CYP4F11: variants seen among roughly 807,000 people sequenced by gnomAD.
CYP4F11 encodes the protein cytochrome P450 4F11.
A neutral mutation model predicts 62.2 loss-of-function variants in CYP4F11; 79 were observed. That is an observed-to-expected ratio of 1.27 (90% CI 1.06 to 1.53). The LOEUF is 1.53. Among genes scored for constraint, CYP4F11 ranks in the 40% most tolerant of loss-of-function variants. The pLI, the probability that CYP4F11 is intolerant of heterozygous loss-of-function variation, is 0.00. For synonymous variants in CYP4F11, 290 were observed against 263.7 expected (o/e 1.10, Z -0.97); for missense variants, 777 against 680.5 (o/e 1.14, Z -1.58).
intron 1 of CYP4F11, 65 bp from the exon 2 acceptor site, chr19:15,929,666 T>C: frequency 6.6e-7 from 1 of 1,512,660 alleles, no homozygotes; most frequent in Non-Finnish European, 8.9e-7. Flanking sequence ...GAATTAATCA[T>C]GAATTCCACG....
At position 15,922,128 on chromosome 19, in the gene CYP4F11, A is replaced by G. The variant is rs774064353; in HGVS notation, c.1024T>C (p.Tyr342His). Residue 342 changes from tyrosine (Y) to histidine (H), a missense_variant, in exon 8 of 12, where the codon TAC (tyrosine) becomes CAC (histidine). Coordinates refer to ENST00000402119, the MANE Select transcript of CYP4F11 (RefSeq NM_021187.4). ...TATTCTGGGTGCTTTGCAAGGTGGT[A>G]TAGGACCCAGGAGAGACCACTGGCT... ...TTASGLSWVL[Y>H]HLAKHPEYQE... 6 of 1,613,866 alleles carry G rather than the reference A, an allele frequency of 3.7e-6. No homozygotes were observed. The South Asian group carries it at 5.5e-5, about 15-fold the overall frequency.
chr19:15,922,541 G>C (rs1419036514), intron 6 of CYP4F11, 111 bp from the exon 7 acceptor site: 1 of 1,119,426 alleles, frequency 8.9e-7, no homozygotes, highest in Non-Finnish European at 1.3e-6. Context: ...AGAAACCCAA[G>C]CCCATCATGC....
At chr19:15,916,099 C>T (rs1477295736) in intron 8 of CYP4F11, among the ~76,000 whole-genome samples, 1 of 152,030 alleles carries the variant, frequency 6.6e-6, no homozygotes, top group African/African-American at 2.4e-5. Context: ...ATATTTTAAG[C>T]TCTATTAAAA....
At chr19:15,914,204 G>A (rs2089562472) in intron 11 of CYP4F11, 101 bp downstream of exon 11, 1 of 1,400,654 alleles carries the variant, frequency 7.1e-7, no homozygotes, top group Non-Finnish European at 9.9e-7. Flanking sequence ...CCTGAGGAAG[G>A]GAGGGAAGGA....
At chr19:15,921,847 G>A (rs1307902471) in intron 8 of CYP4F11, among the ~76,000 whole-genome samples, 190 bp downstream of exon 8, 1 of 152,148 alleles carries the variant, frequency 6.6e-6, no homozygotes, top group Admixed American at 6.5e-5. Context: ...TCTCCCAGCA[G>A]CCCAGGTCCC....
rs2089552640 is a variant in CYP4F11, at chr19:15,913,346, G to A, written c.*386C>T. On this transcript the variant is annotated 3_prime_UTR_variant, in exon 12 of 12. Coordinates refer to ENST00000402119, the MANE Select transcript of CYP4F11 (RefSeq NM_021187.4). ...TGAGCTGAGGACTCCAGTCTTGGGAGGACATTCCCAGGACAGATGAAGGGA... is the reference window on the plus strand; with the variant it reads ...TGAGCTGAGGACTCCAGTCTTGGGAAGACATTCCCAGGACAGATGAAGGGA... The A allele has an allele frequency of 4.5e-6, 1 of 223,742 alleles. No individual in the cohort carries two copies. The highest frequency in any genetic ancestry group is 2.3e-5 in the African/African-American group (1 of 42,582). The allele number at this position is 223,742 out of a possible 1,614,324, so 13.9% of individuals were successfully genotyped here.
chr19:15,913,519 C>T lies in CYP4F11; in HGVS notation c.*213G>A. ...AGTTTTTACTTGGGCTCTGGGAGAA[C>T]CCACTAAGGGCCTAGATGCCCTGTG... On this transcript the variant is annotated 3_prime_UTR_variant, in exon 12 of 12. Transcript: ENST00000402119. The T allele has an allele frequency of 1.7e-6, 1 of 602,898 alleles. No individual in the cohort carries two copies. Among genetic ancestry groups the T allele is most frequent in the Non-Finnish European group, 2.9e-6 (1 of 346,942 alleles). The allele number at this position is 602,898 out of a possible 1,614,324, so 37.3% of individuals were successfully genotyped here. A position where few individuals can be genotyped will look rare whatever the true frequency, so the allele number is the denominator to read the frequency against.
intron 8 of CYP4F11, among the ~76,000 whole-genome samples, chr19:15,919,604 G>A (rs1437479785): frequency 6.6e-6 from 1 of 151,896 alleles, no homozygotes; most frequent in Non-Finnish European, 1.5e-5. Context: ...ATTAGGTGGG[G>A]TGGTGGGAAT....
intron 4 of CYP4F11, among the ~76,000 whole-genome samples, 192 bp downstream of exon 4, chr19:15,927,020 C>A (rs778477687): frequency 2.6e-5 from 4 of 152,210 alleles, no homozygotes; most frequent in Non-Finnish European, 5.9e-5. Context: ...TTGAGACATA[C>A]TATGTGCTGG....
At chr19:15,927,165 C>A (rs747400828) in intron 4 of CYP4F11, 47 bp downstream of exon 4, 1 of 1,597,186 alleles carries the variant, frequency 6.3e-7, no homozygotes, top group South Asian at 1.1e-5. Context: ...GCCTGTGGTC[C>A]CTCTACCCCA....
At chr19:15,929,359 TG>T in intron 2 of CYP4F11, 97 bp downstream of exon 2, 1 of 1,478,192 alleles carries the variant, frequency 6.8e-7, no homozygotes, top group Non-Finnish European at 9.4e-7. Context: ...AAGAGGGGCC[TG>T]GGCCCTGCAG....
rs1568479626 is a variant in CYP4F11 at position 15,912,753 on chromosome 19, G to GTGTGTGTGTATATATATA, written c.*978_*979insTATATATATACACACACA. On this transcript the variant is annotated 3_prime_UTR_variant, in exon 12 of 12. Coordinates refer to ENST00000402119, the MANE Select transcript of CYP4F11 (RefSeq NM_021187.4). ...TGTGTGTATATGTATATATGTGTGT[G>GTGTGTGTGTATATATATA]TGTGTGTGTGTGTGTGTGTATATAT... The GTGTGTGTGTATATATATA allele has an allele frequency of 1.2e-4, 2 of 16,506 alleles. No homozygotes were observed. The highest frequency in any genetic ancestry group is 8.8e-4 in the Admixed American group (1 of 1,142). The allele number at this position is 16,506 out of a possible 1,614,324, so 1.0% of individuals were successfully genotyped here.
chr19:15,934,596 G>A, upstream of CYP4F11: 1 of 638,312 alleles, frequency 1.6e-6, no homozygotes, highest in Admixed American at 3.4e-5. Context: ...CAGCCAAGTG[G>A]CCTCCAGTTA....
intron 4 of CYP4F11, among the ~76,000 whole-genome samples, chr19:15,925,680 ATGTG>A (rs1314640458): frequency 1.3e-5 from 2 of 149,694 alleles, no homozygotes; most frequent in Non-Finnish European, 3.0e-5. Context: ...CTTAAAGCAA[ATGTG>A]TGTGTGTATA....
Position 15,912,745 on chromosome 19 carries a change from A to ATGTGTGTGTGTG in CYP4F11, c.*975_*986dup, listed in dbSNP as rs202181290. 1 of 85,984 alleles carries ATGTGTGTGTGTG rather than the reference A, an allele frequency of 1.2e-5. No homozygotes were observed. The highest frequency in any genetic ancestry group is 2.0e-5 in the Non-Finnish European group (1 of 50,152). 5.3% of individuals were successfully genotyped at this position (85,984 alleles called of 1,614,324 possible). The stretch of plus-strand genomic sequence containing the variant: ...TGTGTGTGTGTGTGTATATGTATAT[A>ATGTGTGTGTGTG]TGTGTGTGTGTGTGTGTGTGTGTGT... On this transcript the variant is annotated 3_prime_UTR_variant, in exon 12 of 12. Transcript: ENST00000402119.
Position 15,934,292 on chromosome 19 carries a change from G to A in CYP4F11, c.117C>T (p.Tyr39=), listed in dbSNP as rs937032385. 1.2e-6 allele frequency: 2 copies of A among 1,613,868 alleles called. No individual in the cohort carries two copies. Among genetic ancestry groups the A allele is most frequent in the Non-Finnish European group, 1.7e-6 (2 of 1,179,864 alleles). The part of the protein sequence containing the change: ...WLLARVLAWT[Y]TFYDNCRRLQ... Reference sequence around the variant, plus strand: ...GGCGGCGGCAGTTGTCATAGAAGGTGTAGGTCCAGGCCAGGACGCGGGCCA... The same window carrying A: ...GGCGGCGGCAGTTGTCATAGAAGGTATAGGTCCAGGCCAGGACGCGGGCCA... Residue 39 remains tyrosine, a synonymous_variant, in exon 1 of 12, where the codon TAC becomes TAT. Transcript: ENST00000402119.
chr19:15,925,195 C>A (rs1455479614), intron 4 of CYP4F11, among the ~76,000 whole-genome samples: 4 of 152,130 alleles, frequency 2.6e-5, no homozygotes, highest in African/African-American at 2.4e-5. Flanking sequence ...GGACAACATG[C>A]TTTGGGGCCA....
chr19:15,914,740 CT>C, intron 9 of CYP4F11, 21 bp downstream of exon 9: 2 of 1,613,950 alleles, frequency 1.2e-6, no homozygotes, highest in South Asian at 2.2e-5. Context: ...CAGGAGGCTC[CT>C]CCCCCTGAGG....
At chr19:15,915,883 C>A in intron 8 of CYP4F11, among the ~76,000 whole-genome samples, 1 of 151,406 alleles carries the variant, frequency 6.6e-6, no homozygotes. Flanking sequence ...AAATAAGAAG[C>A]ATCTGGAAAA....
Sources: allele counts gnomAD v4.1 joint callset (sites outside exome capture counted in the v4.1 genomes callset), GRCh38; gene constraint gnomAD v4.1.1; transcripts MANE v1.5; gene names NCBI Gene and HGNC (gene_info 2026-07-23, HGNC 2026-07-21).